The following SPPL3 variants were observed in gnomAD, a reference collection of about 807,000 sequenced individuals.
SPPL3 encodes signal peptide peptidase-like 3.
Under a neutral mutation model 42.4 loss-of-function variants are expected in SPPL3, and 5 were observed. The ratio of observed to expected loss-of-function variants is 0.12; its 90% CI spans 0.06 to 0.25. SPPL3 has a LOEUF of 0.25. Ranked by LOEUF, SPPL3 falls within the 10% of genes least tolerant of loss-of-function variation. The probability of loss-of-function intolerance (pLI) is 1.00; values close to 1 mark genes in which losing one functional copy is unlikely to be tolerated. For missense variants in SPPL3, 235 were observed against 489.0 expected (o/e 0.48, Z 4.90); for synonymous variants, 195 against 181.8 (o/e 1.07, Z -0.58).
At chr12:120,815,169 A>G (rs1566049623) in intron 1 of SPPL3, among the ~76,000 whole-genome samples, 1 of 152,170 alleles carries the variant, frequency 6.6e-6, no homozygotes, top group East Asian at 1.9e-4. Flanking sequence ...CTCAAAGGGG[A>G]AATGCACTTG....
chr12:120,855,173 G>C (rs888965612), intron 1 of SPPL3, among the ~76,000 whole-genome samples: 1 of 152,108 alleles, frequency 6.6e-6, no homozygotes, highest in Non-Finnish European at 1.5e-5. Context: ...GACTATCAGT[G>C]ATTAATCCTT....
At chr12:120,843,866 G>A (rs936961980) in intron 1 of SPPL3, among the ~76,000 whole-genome samples, 5 of 152,200 alleles carry the variant, frequency 3.3e-5, no homozygotes, top group African/African-American at 7.2e-5. Context: ...GCTGAAGCAG[G>A]AGAATCGCTT....
At chr12:120,867,496 C>G (rs1940802070) in intron 1 of SPPL3, among the ~76,000 whole-genome samples, 1 of 151,996 alleles carries the variant, frequency 6.6e-6, no homozygotes, top group South Asian at 2.1e-4. Context: ...GAAACTTTGT[C>G]TCCACTAAAA....
rs1231229613 is a variant in SPPL3 at position 120,852,791 on chromosome 12, A to AT, written c.24-41906dup. ...ATATTATATATAAAATATATTTCATATATCATATATACATATATGAAATAT... is the reference window on the plus strand; with the variant it reads ...ATATTATATATAAAATATATTTCATATTATCATATATACATATATGAAATAT... On this transcript the variant is annotated intron_variant, in intron 1 of 10. Transcript: ENST00000353487. Among the ~76,000 whole-genome samples, 59 of 144,192 alleles carry AT rather than the reference A, an allele frequency of 4.1e-4. 4 individuals are homozygous for AT. Among genetic ancestry groups the AT allele is most frequent in the Non-Finnish European group, 8.0e-4 (53 of 66,456 alleles). The allele number at this position is 144,192 out of a possible 152,430, so 94.6% of individuals were successfully genotyped here. A position where few individuals can be genotyped will look rare whatever the true frequency, so the allele number is the denominator to read the frequency against.
chr12:120,773,581 G>C (rs1869202370), intron 6 of SPPL3, among the ~76,000 whole-genome samples: 2 of 152,166 alleles, frequency 1.3e-5, no homozygotes, highest in Admixed American at 1.3e-4. Flanking sequence ...GCTCCTCGGG[G>C]TAAGTTTATT....
intron 1 of SPPL3, among the ~76,000 whole-genome samples, chr12:120,843,114 T>C (rs1006067650): frequency 2.6e-5 from 4 of 152,158 alleles, no homozygotes; most frequent in African/African-American, 9.7e-5. Flanking sequence ...TTCAACAGTG[T>C]TCACAGTGAA....
chr12:120,877,781 T>TAAAA (rs201989284), intron 1 of SPPL3, among the ~76,000 whole-genome samples: 15 of 130,148 alleles, frequency 1.2e-4, no homozygotes, highest in South Asian at 5.0e-4. Context: ...AACTCCGTCT[T>TAAAA]AAAAAAAAAA....
rs146168988 is a variant in SPPL3 at position 120,829,868 on chromosome 12, T to C, written c.24-18982A>G. ...AATGAGCCAGCTGTGGTGGCAGGCA[T>C]CTGTAATCTCAGCTTCTTGGGAGGC... On this transcript the variant is annotated intron_variant, in intron 1 of 10. Transcript: ENST00000353487. 2.9e-3 allele frequency among the ~76,000 whole-genome samples: 447 copies of C among 151,666 alleles called. 4 individuals carry two copies. The highest frequency in any genetic ancestry group is 4.7e-3 in the Non-Finnish European group (321 of 67,888).
intron 1 of SPPL3, among the ~76,000 whole-genome samples, chr12:120,883,802 C>T (rs1029022730): frequency 4.7e-4 from 72 of 152,008 alleles, no homozygotes; most frequent in African/African-American, 1.6e-3. Context: ...TACAGTAAAA[C>T]ATTAAAATGT....
chr12:120,762,668 A>C lies in SPPL3; in HGVS notation c.*2331T>G, dbSNP rs1367516308. ...GAGTGCAGTGGCGCAATCTCTGCTCACTGCAACCTCCGCCTTCCAGGTTCA... is the reference window on the plus strand; with the variant it reads ...GAGTGCAGTGGCGCAATCTCTGCTCCCTGCAACCTCCGCCTTCCAGGTTCA... On this transcript the variant is annotated 3_prime_UTR_variant, in exon 11 of 11. Transcript: ENST00000353487. 1 of 144,110 alleles carries C rather than the reference A, an allele frequency of 6.9e-6. No homozygotes were observed. Among genetic ancestry groups the C allele is most frequent in the Non-Finnish European group, 1.5e-5 (1 of 67,150 alleles). 8.9% of individuals were successfully genotyped at this position (144,110 alleles called of 1,614,324 possible). A position where few individuals can be genotyped will look rare whatever the true frequency, so the allele number is the denominator to read the frequency against.
At chr12:120,815,150 G>C (rs1407465458) in intron 1 of SPPL3, among the ~76,000 whole-genome samples, 1 of 152,190 alleles carries the variant, frequency 6.6e-6, no homozygotes, top group South Asian at 2.1e-4. Context: ...CTCAAAGTCA[G>C]ATTGCTGGCT....
chr12:120,900,953 CTTGA>C (rs576334941), intron 1 of SPPL3, among the ~76,000 whole-genome samples: 54 of 149,450 alleles, frequency 3.6e-4, no homozygotes, highest in Middle Eastern at 6.9e-3. Flanking sequence ...GTAATCAACT[CTTGA>C]TTGTTTGCAC....
intron 1 of SPPL3, among the ~76,000 whole-genome samples, chr12:120,895,021 T>C (rs1414361089): frequency 6.6e-6 from 1 of 152,122 alleles, no homozygotes; most frequent in East Asian, 1.9e-4. Flanking sequence ...TAGAAAACCG[T>C]ACCATGCATT....
intron 2 of SPPL3, among the ~76,000 whole-genome samples, chr12:120,805,841 T>C (rs1592971697): frequency 6.6e-6 from 1 of 152,200 alleles, no homozygotes; most frequent in East Asian, 1.9e-4. Flanking sequence ...CAAAACACTA[T>C]TAATAGAAAT....
chr12:120,769,246 T>G, intron 6 of SPPL3, 187 bp from the exon 7 acceptor site: 2 of 526,494 alleles, frequency 3.8e-6, no homozygotes, highest in Non-Finnish European at 6.9e-6. Context: ...TTTGGACTTG[T>G]GGAATTTGGG....
At chr12:120,893,322 C>T (rs1055425919) in intron 1 of SPPL3, among the ~76,000 whole-genome samples, 2 of 151,878 alleles carry the variant, frequency 1.3e-5, no homozygotes, top group Non-Finnish European at 1.5e-5. Context: ...TGGCGGCGGG[C>T]GCCTGTAGTC....
intron 1 of SPPL3, among the ~76,000 whole-genome samples, chr12:120,868,559 G>A (rs906809659): frequency 3.3e-5 from 5 of 152,062 alleles, no homozygotes; most frequent in Admixed American, 2.6e-4. Context: ...TTGACTCACT[G>A]AAACCTCCAC....
intron 2 of SPPL3, among the ~76,000 whole-genome samples, chr12:120,810,189 C>T (rs1339763212): frequency 6.6e-6 from 1 of 151,956 alleles, no homozygotes; most frequent in African/African-American, 2.4e-5. Context: ...GCTATGTTGC[C>T]CAGGCTAGTC....
At chr12:120,813,128 AT>A (rs764207672) in intron 1 of SPPL3, among the ~76,000 whole-genome samples, 40 of 149,920 alleles carry the variant, frequency 2.7e-4, no homozygotes, top group African/African-American at 8.1e-4. Flanking sequence ...TTAAAAGATT[AT>A]CTTTTTTTTT....
Sources: gnomAD v4.1 joint callset for allele counts (sites outside exome capture counted in the v4.1 genomes callset) on GRCh38, gnomAD v4.1.1 for gene constraint, MANE v1.5 for transcripts, NCBI Gene and HGNC (gene_info 2026-07-23, HGNC 2026-07-21) for gene names.